Variants in CNTLN observed in about 807,000 individuals in gnomAD.
The protein encoded by CNTLN is centlein, centrosomal protein.
Under a neutral mutation model 180.0 loss-of-function variants are expected in CNTLN, and 212 were observed. The ratio of observed to expected loss-of-function variants is 1.18; its 90% CI spans 1.05 to 1.32. The LOEUF (loss-of-function observed/expected upper bound fraction) is 1.32, where lower values mean the gene tolerates loss of function less well. CNTLN is among the 40% of genes most tolerant of loss of function. The pLI is 0.00. For synonymous variants in CNTLN, 722 were observed against 563.1 expected, an observed-to-expected ratio of 1.28 and a Z score of -3.99; for missense variants, 2,095 against 1,610.9, an observed-to-expected ratio of 1.30 and a Z score of -5.14.
In CNTLN at chr9:17,388,211, A is replaced by C. The variant is rs1022753559; in HGVS notation, c.2037A>C (p.Pro679=). The C allele has an allele frequency of 3.1e-6, 5 of 1,612,630 alleles. No individual in the cohort carries two copies. The highest frequency in any genetic ancestry group is 4.2e-6 in the Non-Finnish European group (5 of 1,178,952). The change falls in exon 14 of 26, where the codon CCA becomes CCC. Residue 679 remains proline, a synonymous_variant. Transcript: ENST00000380647. The stretch of plus-strand genomic sequence containing the variant: ...ATGATGAGGTCAAGAGGAGTACTCC[A>C]GAGAAGAATGGAAAAGAAATGTTGG... The part of the protein sequence containing the change: ...GEDDEVKRST[P]EKNGKEMLEQ...
chr9:17,274,380 G>A (rs924334411), intron 6 of CNTLN, among the ~76,000 whole-genome samples: 16 of 151,976 alleles, frequency 1.1e-4, no homozygotes, highest in African/African-American at 3.4e-4. Context: ...AATTTACTTT[G>A]TAATTACCTT....
the CNTLN span, among the ~76,000 whole-genome samples, chr9:17,512,578 A>C: frequency 6.6e-6 from 1 of 152,242 alleles, no homozygotes; most frequent in African/African-American, 2.4e-5. Context: ...CTAGAAGAGC[A>C]GCAAACCCCA....
intron 15 of CNTLN, among the ~76,000 whole-genome samples, chr9:17,397,334 G>T (rs767834515): frequency 2.6e-5 from 4 of 152,194 alleles, no homozygotes; most frequent in Non-Finnish European, 5.9e-5. Flanking sequence ...AGGCAGAGCA[G>T]TCCCCAGGGG....
At chr9:17,219,747 G>T (rs1454847147) in intron 2 of CNTLN, among the ~76,000 whole-genome samples, 1 of 152,052 alleles carries the variant, frequency 6.6e-6, no homozygotes, top group Non-Finnish European at 1.5e-5. Context: ...TGCTAAAACA[G>T]AATCCTGGGT....
intron 18 of CNTLN, among the ~76,000 whole-genome samples, chr9:17,434,975 A>T (rs1421438118): frequency 6.6e-6 from 1 of 152,076 alleles, no homozygotes; most frequent in Non-Finnish European, 1.5e-5. Flanking sequence ...TACTTTCAAG[A>T]TTTTTTTGTC....
intron 12 of CNTLN, among the ~76,000 whole-genome samples, chr9:17,352,416 A>ATATATATATATATATATATATATAT (rs1469636947): frequency 3.2e-5 from 1 of 31,304 alleles, no homozygotes; most frequent in African/African-American, 1.2e-4. Context: ...ATATATATAT[A>ATATATATATATATATATATATATAT]TTTTTTTTTT....
intron 5 of CNTLN, among the ~76,000 whole-genome samples, chr9:17,261,655 T>A (rs1250042012): frequency 1.3e-5 from 2 of 151,438 alleles, no homozygotes; most frequent in Admixed American, 6.6e-5. Flanking sequence ...TTGTATGTCA[T>A]TTATTTTTTT....
intron 6 of CNTLN, among the ~76,000 whole-genome samples, chr9:17,284,023 G>A (rs967144922): frequency 6.6e-6 from 1 of 151,514 alleles, no homozygotes; most frequent in Non-Finnish European, 1.5e-5. Context: ...GATTTTGTTT[G>A]TTTGTTTGTT....
At chr9:17,366,217 T>C (rs1185252269) in intron 12 of CNTLN, among the ~76,000 whole-genome samples, 3 of 152,160 alleles carry the variant, frequency 2.0e-5, no homozygotes, top group African/African-American at 7.2e-5. Context: ...CCTTGAAGTC[T>C]TGGGCTGAAT....
At chr9:17,302,681 C>A (rs1284760722) in intron 7 of CNTLN, among the ~76,000 whole-genome samples, 2 of 152,098 alleles carry the variant, frequency 1.3e-5, no homozygotes, top group Non-Finnish European at 2.9e-5. Flanking sequence ...ATTTAAAAAT[C>A]ATAATTGTAT....
At chr9:17,192,293 C>A (rs1248048045) in intron 2 of CNTLN, among the ~76,000 whole-genome samples, 1 of 136,344 alleles carries the variant, frequency 7.3e-6, no homozygotes, top group East Asian at 2.2e-4. Flanking sequence ...GGCCAGAGTT[C>A]AGTGGCGCCA....
intron 2 of CNTLN, among the ~76,000 whole-genome samples, chr9:17,222,427 T>G (rs1282121047): frequency 6.6e-6 from 1 of 152,064 alleles, no homozygotes; most frequent in Admixed American, 6.6e-5. Flanking sequence ...GGGTAATAAT[T>G]TGAACCATGG....
At chr9:17,218,466 C>T (rs555883976) in intron 2 of CNTLN, among the ~76,000 whole-genome samples, 16 of 151,944 alleles carry the variant, frequency 1.1e-4, no homozygotes, top group African/African-American at 2.4e-4. Flanking sequence ...ATTCACTATG[C>T]GTATTCATAA....
At chr9:17,256,682 A>G (rs1355286497) in intron 5 of CNTLN, among the ~76,000 whole-genome samples, 1 of 151,876 alleles carries the variant, frequency 6.6e-6, no homozygotes, top group Non-Finnish European at 1.5e-5. Flanking sequence ...GGTTGGTTTT[A>G]TAGACAGAAA....
At chr9:17,251,663 T>A (rs1043064311) in intron 5 of CNTLN, among the ~76,000 whole-genome samples, 11 of 151,902 alleles carry the variant, frequency 7.2e-5, no homozygotes, top group African/African-American at 2.7e-4. Context: ...GTTTGTTACA[T>A]GCATATAATT....
At chr9:17,250,025 T>C (rs1189669722) in intron 5 of CNTLN, among the ~76,000 whole-genome samples, 1 of 151,698 alleles carries the variant, frequency 6.6e-6, no homozygotes, top group African/African-American at 2.4e-5. Context: ...CTGTCAATTC[T>C]TTAATTGTTT....
intron 5 of CNTLN, among the ~76,000 whole-genome samples, chr9:17,259,448 T>A (rs947881227): frequency 6.8e-6 from 1 of 146,168 alleles, no homozygotes; most frequent in African/African-American, 2.7e-5. Context: ...TTTTTTGTTG[T>A]ATCTCTGCCC....
At chr9:17,268,627 C>T (rs1044483871) in intron 5 of CNTLN, among the ~76,000 whole-genome samples, 11 of 152,162 alleles carry the variant, frequency 7.2e-5, no homozygotes, top group African/African-American at 2.4e-4. Context: ...TGTCTGTGCC[C>T]TGCCCCCAGA....
Position 17,404,096 on chromosome 9 carries a change from A to C in CNTLN, c.2616-5197A>C, listed in dbSNP as rs184582617. On this transcript the variant is annotated intron_variant, in intron 15 of 25. Coordinates refer to ENST00000380647, the MANE Select transcript of CNTLN (RefSeq NM_017738.4). ...CAGCTAAAAGACAGAGTTTATGGCAAGGGATATATGACAATGCTCTGTGTC... is the reference window on the plus strand; with the variant it reads ...CAGCTAAAAGACAGAGTTTATGGCACGGGATATATGACAATGCTCTGTGTC... Among the ~76,000 whole-genome samples, 255 of 151,866 alleles carry C rather than the reference A, an allele frequency of 1.7e-3. 11 individuals are homozygous for C. Among genetic ancestry groups the C allele is most frequent in the African/African-American group, 5.9e-3 (245 of 41,198 alleles).
Sources: gnomAD v4.1 joint callset for allele counts (sites outside exome capture counted in the v4.1 genomes callset) on GRCh38, gnomAD v4.1.1 for gene constraint, MANE v1.5 for transcripts, NCBI Gene and HGNC (gene_info 2026-07-23, HGNC 2026-07-21) for gene names.